The following TMEM150C variants were observed in gnomAD, a reference collection of about 807,000 sequenced individuals.
TMEM150C encodes the protein transmembrane protein 150C, also known as tentonin 3.
A neutral mutation model predicts 29.9 loss-of-function variants in TMEM150C; 10 were observed. That is an observed-to-expected ratio of 0.33 (90% confidence interval 0.21 to 0.57). TMEM150C has a LOEUF of 0.57. Among genes scored for constraint, TMEM150C ranks in the 20% least tolerant of loss-of-function variants. The pLI is 0.88. For missense variants in TMEM150C, 251 were observed against 303.6 expected, an observed-to-expected ratio of 0.83 and a Z score of 1.29; for synonymous variants, 101 against 112.5, an observed-to-expected ratio of 0.90 and a Z score of 0.64.
chr4:82,560,213 T>C (rs1725877056), intron 1 of TMEM150C, among the ~76,000 whole-genome samples: 2 of 152,232 alleles, frequency 1.3e-5, no homozygotes, highest in Admixed American at 1.3e-4. Context: ...GCAATTGCTC[T>C]GAAGACTTAA....
intron 2 of TMEM150C, 75 bp from the exon 3 acceptor site, chr4:82,503,187 T>A: frequency 3.0e-6 from 3 of 1,012,950 alleles, no homozygotes; most frequent in Non-Finnish European, 4.5e-6. Context: ...TTTATTAAAC[T>A]AACTGCACTA....
intron 6 of TMEM150C, among the ~76,000 whole-genome samples, chr4:82,490,478 A>G (rs1257903870): frequency 6.6e-6 from 1 of 152,236 alleles, no homozygotes; most frequent in Non-Finnish European, 1.5e-5. Flanking sequence ...GTAAAAGAAA[A>G]CAGAAGGAGA....
chr4:82,495,708 C>A, intron 6 of TMEM150C: 1 of 299,478 alleles, frequency 3.3e-6, no homozygotes, highest in Non-Finnish European at 6.6e-6. Context: ...CACCAACAAA[C>A]AAGAAACCTT....
intron 1 of TMEM150C, among the ~76,000 whole-genome samples, chr4:82,531,292 A>T (rs1448459077): frequency 3.3e-5 from 5 of 152,228 alleles, no homozygotes; most frequent in Non-Finnish European, 7.3e-5. Flanking sequence ...TATAACCTGT[A>T]GTTCAGAAGA....
At chr4:82,491,030 G>A in intron 6 of TMEM150C, 1 of 735,916 alleles carries the variant, frequency 1.4e-6, no homozygotes, top group East Asian at 2.5e-5. Flanking sequence ...CAGTGGTGCA[G>A]GTCTTCCTGT....
At chr4:82,486,294 C>T (rs1204208365) in intron 7 of TMEM150C, among the ~76,000 whole-genome samples, 1 of 143,726 alleles carries the variant, frequency 7.0e-6, no homozygotes, top group East Asian at 2.0e-4. Context: ...CCAAGACCGG[C>T]CACTGCACTC....
intron 1 of TMEM150C, among the ~76,000 whole-genome samples, chr4:82,516,818 A>C (rs1724309796): frequency 6.6e-6 from 1 of 152,204 alleles, no homozygotes; most frequent in Non-Finnish European, 1.5e-5. Context: ...CTTAGAAATT[A>C]CTTTACGCTG....
At chr4:82,536,356 CAAAAAAAAAAAAA>C (rs567469021) in intron 1 of TMEM150C, among the ~76,000 whole-genome samples, 28,411 of 80,862 alleles carry the variant, frequency 0.35, 4,890 homozygotes, top group African/African-American at 0.57. Flanking sequence ...GACTCCATCT[CAAAAAAAAAAAAA>C]AAAAAAAAAG....
At chr4:82,536,157 G>A (rs952238699) in intron 1 of TMEM150C, among the ~76,000 whole-genome samples, 2 of 151,888 alleles carry the variant, frequency 1.3e-5, no homozygotes, top group Non-Finnish European at 2.9e-5. Flanking sequence ...TCAAGAGATC[G>A]AGACCATCTG....
intron 5 of TMEM150C, among the ~76,000 whole-genome samples, chr4:82,498,759 G>T (rs869169): frequency 2.6e-3 from 401 of 152,234 alleles, no homozygotes; most frequent in African/African-American, 9.0e-3. Flanking sequence ...ATGCCCAGGG[G>T]AACAGAGTTG....
chr4:82,518,845 A>G (rs1724381778), intron 1 of TMEM150C, among the ~76,000 whole-genome samples: 1 of 152,202 alleles, frequency 6.6e-6, no homozygotes, highest in Admixed American at 6.5e-5. Context: ...ATGGACTGAG[A>G]GAATATTCTT....
rs1168899581 is a variant in TMEM150C, at chr4:82,484,828, C to T, written c.*683G>A. On this transcript the variant is annotated 3_prime_UTR_variant, in exon 8 of 8. Coordinates refer to ENST00000449862, the MANE Select transcript of TMEM150C (RefSeq NM_001080506.3). ...GTTCCAGGCCTGATAGACCACGTCC[C>T]TACACATATTCACATTTGGAAATCA... is the stretch of plus-strand genomic sequence containing the variant. 6.6e-6 allele frequency: 1 copy of T among 152,556 alleles called. No individual in the cohort carries two copies. Among genetic ancestry groups the T allele is most frequent in the Non-Finnish European group, 1.5e-5 (1 of 68,348 alleles). The allele number at this position is 152,556 out of a possible 1,614,324, so 9.5% of individuals were successfully genotyped here.
At chr4:82,536,014 A>C (rs773682006) in intron 1 of TMEM150C, among the ~76,000 whole-genome samples, 5 of 152,134 alleles carry the variant, frequency 3.3e-5, no homozygotes, top group African/African-American at 4.8e-5. Flanking sequence ...GGGGAGGGGC[A>C]AAAATCACCT....
intron 5 of TMEM150C, among the ~76,000 whole-genome samples, chr4:82,499,724 A>AAG (rs1723671325): frequency 3.3e-5 from 5 of 149,896 alleles, no homozygotes; most frequent in Admixed American, 3.3e-4. Flanking sequence ...GTCTCCAAAA[A>AAG]AAAAAAAAAA....
At position 82,485,530 on chromosome 4, in the gene TMEM150C, T is replaced by C. The variant is rs1723131300; in HGVS notation, c.731A>G (p.Tyr244Cys). 6.2e-7 allele frequency: 1 copy of C among 1,603,582 alleles called. No individual in the cohort carries two copies. The highest frequency in any genetic ancestry group is 2.2e-5 in the East Asian group (1 of 44,654). ...GATGGTTTACACCTGGTCAGTCTGA[T>C]ATTCAGAAGCTTCTGACAGGCTTTC... ...FSESLSEASE[Y>C]QTDQV The change falls in exon 8 of 8, where the codon TAT (tyrosine) becomes TGT (cysteine). Residue 244 changes from tyrosine (Y) to cysteine (C), a missense_variant. Physicochemically the swap from Tyr to Cys is radical, Grantham distance 194 (BLOSUM62 -2). Coordinates refer to ENST00000449862, the MANE Select transcript of TMEM150C (RefSeq NM_001080506.3).
chr4:82,547,047 G>T (rs1448797902), intron 1 of TMEM150C, among the ~76,000 whole-genome samples: 1 of 152,160 alleles, frequency 6.6e-6, no homozygotes, highest in South Asian at 2.1e-4. Flanking sequence ...ATTGAGAAGT[G>T]GGACCTAATT....
intron 1 of TMEM150C, among the ~76,000 whole-genome samples, chr4:82,561,546 A>ACAGGGC (rs1553910315): frequency 1.0e-3 from 151 of 150,292 alleles, no homozygotes; most frequent in African/African-American, 3.6e-3. Flanking sequence ...CTGTCAAAGG[A>ACAGGGC]CGGGGCCGGG....
At chr4:82,512,363 T>C (rs1724153605) in intron 1 of TMEM150C, among the ~76,000 whole-genome samples, 1 of 152,238 alleles carries the variant, frequency 6.6e-6, no homozygotes, top group Non-Finnish European at 1.5e-5. Context: ...AAATGCTCAA[T>C]ATCACCTACC....
intron 1 of TMEM150C, among the ~76,000 whole-genome samples, chr4:82,538,722 T>C (rs549694468): frequency 2.4e-3 from 367 of 152,272 alleles, no homozygotes; most frequent in Non-Finnish European, 2.7e-3. Context: ...ACATGTAATA[T>C]ATTAATGAGT....
Sources: gnomAD v4.1 joint callset for allele counts (sites outside exome capture counted in the v4.1 genomes callset) on GRCh38, gnomAD v4.1.1 for gene constraint, MANE v1.5 for transcripts, NCBI Gene and HGNC (gene_info 2026-07-23, HGNC 2026-07-21) for gene names.